SKAP1: variants seen among roughly 807,000 people sequenced by gnomAD.
SKAP1 encodes src kinase-associated phosphoprotein 1.
Under a neutral mutation model 58.5 loss-of-function variants are expected in SKAP1, and 44 were observed. The ratio of observed to expected loss-of-function variants is 0.75; its 90% CI spans 0.59 to 0.97. SKAP1 has a LOEUF of 0.97. SKAP1 is among the 50% of genes least tolerant of loss of function. The probability of loss-of-function intolerance (pLI) is 0.00; values close to 1 mark genes in which losing one functional copy is unlikely to be tolerated. For synonymous variants in SKAP1, 127 were observed against 149.7 expected (o/e 0.85, Z 1.11); for missense variants, 390 against 435.2 (o/e 0.90, Z 0.92).
chr17:48,224,018 G>GAC (rs1025481665), intron 4 of SKAP1, among the ~76,000 whole-genome samples: 6 of 125,934 alleles, frequency 4.8e-5, no homozygotes, highest in African/African-American at 1.7e-4. Context: ...GACAGAGAGA[G>GAC]AGAGAGAGAG....
intron 4 of SKAP1, among the ~76,000 whole-genome samples, chr17:48,218,814 T>C (rs2064970176): frequency 6.6e-6 from 1 of 152,160 alleles, no homozygotes; most frequent in Admixed American, 6.5e-5. Context: ...GTTACTTCTA[T>C]TGTAGGGTGA....
At chr17:48,222,178 C>T (rs1210227639) in intron 4 of SKAP1, among the ~76,000 whole-genome samples, 3 of 152,080 alleles carry the variant, frequency 2.0e-5, no homozygotes, top group Admixed American at 6.5e-5. Flanking sequence ...AGAGCCTAAG[C>T]GTAGGGAGCT....
intron 4 of SKAP1, among the ~76,000 whole-genome samples, chr17:48,220,153 C>T (rs79169085): frequency 0.016 from 2,374 of 152,236 alleles, 22 homozygotes; most frequent in South Asian, 0.031. Context: ...TCTCCTAAAG[C>T]GGAATACGCA....
intron 1 of SKAP1, among the ~76,000 whole-genome samples, chr17:48,397,307 C>A (rs1037621874): frequency 6.6e-6 from 1 of 152,166 alleles, no homozygotes; most frequent in African/African-American, 2.4e-5. Context: ...CTCACTGCAA[C>A]CTTCACCTCC....
chr17:48,335,379 G>T (rs2066554782), intron 4 of SKAP1, among the ~76,000 whole-genome samples: 1 of 151,872 alleles, frequency 6.6e-6, no homozygotes, highest in African/African-American at 2.4e-5. Context: ...ACTTTTCATT[G>T]ATTCTTGTCT....
intron 4 of SKAP1, among the ~76,000 whole-genome samples, chr17:48,298,923 T>C (rs2066020184): frequency 6.6e-6 from 1 of 152,220 alleles, no homozygotes; most frequent in African/African-American, 2.4e-5. Flanking sequence ...TGTGATCTGA[T>C]AAAAATGTTT....
chr17:48,311,025 C>T (rs906849249), intron 4 of SKAP1, among the ~76,000 whole-genome samples: 2 of 152,110 alleles, frequency 1.3e-5, no homozygotes, highest in East Asian at 1.9e-4. Flanking sequence ...ATTCCCCCTT[C>T]GCCGCCCCCC....
At chr17:48,402,161 T>C (rs1312394587) in intron 1 of SKAP1, among the ~76,000 whole-genome samples, 1 of 152,296 alleles carries the variant, frequency 6.6e-6, no homozygotes, top group Non-Finnish European at 1.5e-5. Flanking sequence ...ACCTTATACA[T>C]TGCTGGTAGG....
chr17:48,174,903 C>T (rs972789829), intron 9 of SKAP1, among the ~76,000 whole-genome samples: 1 of 152,234 alleles, frequency 6.6e-6, no homozygotes, highest in South Asian at 2.1e-4. Context: ...AAATGCTCTA[C>T]TTGATCCCCA....
chr17:48,242,318 G>A (rs139065118), intron 4 of SKAP1, among the ~76,000 whole-genome samples: 6 of 152,294 alleles, frequency 3.9e-5, no homozygotes, highest in East Asian at 1.9e-4. Flanking sequence ...TAATTCTGCC[G>A]GAGGAGAATG....
rs559083829 is a variant in SKAP1 at position 48,366,487 on chromosome 17, G to A, written c.153-2673C>T. On this transcript the variant is annotated intron_variant, in intron 2 of 12. Transcript: ENST00000336915. ...GACGGGGTAGGAAGGGGCAGAGGAC[G>A]GGGTGGGAAGTGGAACACTTCAAAA... is the stretch of plus-strand genomic sequence containing the variant. 8.5e-5 allele frequency among the ~76,000 whole-genome samples: 13 copies of A among 152,130 alleles called. No individual in the cohort carries two copies. The East Asian group carries it at 1.9e-3, about 23-fold the overall frequency.
rs2063712402 is a variant in SKAP1 at position 48,137,283 on chromosome 17, C to T, written c.1033G>A (p.Val345Ile). 1 of 1,613,906 alleles carries T rather than the reference C, an allele frequency of 6.2e-7. No individual in the cohort carries two copies. The highest frequency in any genetic ancestry group is 1.3e-5 in the African/African-American group (1 of 75,040). The change falls in exon 12 of 13, where the codon GTT becomes ATT. Residue 345 changes from valine to isoleucine, a missense_variant. By Grantham distance (29) the Val-to-Ile change is conservative (BLOSUM62 3). Coordinates refer to ENST00000336915, the MANE Select transcript of SKAP1 (RefSeq NM_003726.4). ...GCAGTGGTGAGATACTCCTTTGGAA[C>T]AATCCCAACGAGGCTGTTCAGTTCT... is the stretch of plus-strand genomic sequence containing the variant. ...VGELNSLVGIVPKEYLTTAFE... is the reference protein window; with the variant it reads ...VGELNSLVGIIPKEYLTTAFE...
intron 12 of SKAP1, among the ~76,000 whole-genome samples, chr17:48,134,317 A>G (rs2063672787): frequency 6.6e-6 from 1 of 152,108 alleles, no homozygotes; most frequent in African/African-American, 2.4e-5. Flanking sequence ...AAAATGGTCA[A>G]TAGGATAAAT....
intron 4 of SKAP1, among the ~76,000 whole-genome samples, chr17:48,331,273 T>TA (rs922038753): frequency 3.2e-4 from 48 of 151,850 alleles, no homozygotes; most frequent in South Asian, 6.2e-4. Flanking sequence ...GTGGATTTTT[T>TA]AAAAAAAAAT....
intron 2 of SKAP1, among the ~76,000 whole-genome samples, chr17:48,393,706 T>C (rs2067378514): frequency 6.6e-6 from 1 of 152,010 alleles, no homozygotes; most frequent in Non-Finnish European, 1.5e-5. Context: ...GCAATACACG[T>C]TGAGGAAAGA....
chr17:48,395,678 T>G (rs2067409302), intron 2 of SKAP1, among the ~76,000 whole-genome samples: 1 of 152,228 alleles, frequency 6.6e-6, no homozygotes, highest in Non-Finnish European at 1.5e-5. Flanking sequence ...TTTGTTTCAA[T>G]TATTCAGGGC....
chr17:48,414,921 G>A (rs909318829), intron 1 of SKAP1, among the ~76,000 whole-genome samples: 1 of 152,140 alleles, frequency 6.6e-6, no homozygotes, highest in African/African-American at 2.4e-5. Flanking sequence ...TTTATTTAGA[G>A]GAGAATGACA....
chr17:48,282,140 A>G (rs16954581), intron 4 of SKAP1, among the ~76,000 whole-genome samples: 29,825 of 152,154 alleles, frequency 0.2, 3,704 homozygotes, highest in South Asian at 0.37. Context: ...ACTGCACTTA[A>G]TACTTTCTTT....
intron 9 of SKAP1, among the ~76,000 whole-genome samples, chr17:48,179,366 A>C (rs2064336692): frequency 6.6e-6 from 1 of 152,162 alleles, no homozygotes; most frequent in Non-Finnish European, 1.5e-5. Flanking sequence ...ACCATTCACC[A>C]GCTGCTGTTA....
Sources: gnomAD v4.1 joint callset for allele counts (sites outside exome capture counted in the v4.1 genomes callset) on GRCh38, gnomAD v4.1.1 for gene constraint, MANE v1.5 for transcripts, NCBI Gene and HGNC (gene_info 2026-07-23, HGNC 2026-07-21) for gene names.